TRAP1: variants seen among roughly 807,000 people sequenced by gnomAD.
TRAP1 encodes TNF receptor associated protein 1.
TRAP1 carries 102 observed loss-of-function variants against 89.1 expected under a neutral mutation model. The ratio of observed to expected loss-of-function variants is 1.15; its 90% CI spans 0.98 to 1.35. The LOEUF is 1.35. Among genes scored for constraint, TRAP1 ranks in the 40% most tolerant of loss-of-function variants. The pLI is 0.00. For missense variants in TRAP1, 1,256 were observed against 945.3 expected, an observed-to-expected ratio of 1.33 and a Z score of -4.31; for synonymous variants, 508 against 388.0, an observed-to-expected ratio of 1.31 and a Z score of -3.64.
chr16:3,708,225 C>T (rs57888615), intron 1 of TRAP1, among the ~76,000 whole-genome samples: 7,080 of 151,934 alleles, frequency 0.047, 392 homozygotes, highest in African/African-American at 0.13. Flanking sequence ...CCGTGGCTCA[C>T]GCCTGTAATC....
At chr16:3,670,901 G>C (rs142809521) in intron 11 of TRAP1, among the ~76,000 whole-genome samples, 1,723 of 152,182 alleles carry the variant, frequency 0.011, 12 homozygotes, top group Non-Finnish European at 0.018. Flanking sequence ...GCACAGGACA[G>C]AATCTCTGAG....
intron 1 of TRAP1, among the ~76,000 whole-genome samples, chr16:3,701,170 T>C (rs1596745511): frequency 6.6e-6 from 1 of 152,058 alleles, no homozygotes; most frequent in African/African-American, 2.4e-5. Flanking sequence ...TCAAGTAAAA[T>C]ACATTTCAAA....
chr16:3,670,782 G>A (rs2050902779), intron 11 of TRAP1, among the ~76,000 whole-genome samples: 1 of 152,138 alleles, frequency 6.6e-6, no homozygotes, highest in Non-Finnish European at 1.5e-5. Context: ...CTGAAGGTGA[G>A]GCAGGAGGAT....
In TRAP1 at chr16:3,697,117, G is replaced by C. The variant is rs1461195667; in HGVS notation, c.89-6132C>G. On this transcript the variant is annotated intron_variant, in intron 1 of 17. Transcript: ENST00000246957. ...TACGTTCCCACAGCAATGTACTAAA[G>C]TGCATATCATCCTACATTCCTGCCA... Among the ~76,000 whole-genome samples, 13 of 152,176 alleles carry C rather than the reference G, an allele frequency of 8.5e-5. 1 individual carries two copies. The highest frequency in any genetic ancestry group is 1.6e-4 in the Non-Finnish European group (11 of 68,036).
chr16:3,686,166 A>G (rs780875986), intron 3 of TRAP1, 30 bp from the exon 4 acceptor site: 2 of 1,610,476 alleles, frequency 1.2e-6, no homozygotes, highest in South Asian at 1.1e-5. Context: ...AGGCACAGAC[A>G]ATGAAGGACA....
Position 3,696,930 on chromosome 16 carries a change from T to A in TRAP1, c.89-5945A>T, listed in dbSNP as rs1341642772. Among the ~76,000 whole-genome samples the A allele has an allele frequency of 2.0e-5, 3 of 152,214 alleles. No individual in the cohort carries two copies. In the East Asian group the frequency reaches 5.8e-4, roughly 29 times the overall value. On this transcript the variant is annotated intron_variant, in intron 1 of 17. Coordinates refer to ENST00000246957, the MANE Select transcript of TRAP1 (RefSeq NM_016292.3). ...TCTGTAGAGACAGGGATTCACCATG[T>A]TGCCCAGGCTGGTCTCAAACTCCTG...
chr16:3,698,515 G>C (rs2151275667), intron 1 of TRAP1, among the ~76,000 whole-genome samples: 1 of 151,954 alleles, frequency 6.6e-6, no homozygotes, highest in Non-Finnish European at 1.5e-5. Context: ...TGTTAGCCAG[G>C]ATGGTCTTGA....
chr16:3,707,337 C>G (rs1056293557), intron 1 of TRAP1, among the ~76,000 whole-genome samples: 3 of 149,744 alleles, frequency 2.0e-5, no homozygotes, highest in Non-Finnish European at 1.5e-5. Context: ...AGGCGCCCAC[C>G]ACCACACCCG....
rs2051203537 is a variant in TRAP1, at chr16:3,690,828, C to G, written c.246G>C (p.Gln82His). 7 of 1,474,924 alleles carry G rather than the reference C, an allele frequency of 4.7e-6. No individual in the cohort carries two copies. The highest frequency in any genetic ancestry group is 2.6e-5 in the East Asian group (1 of 38,326). 91.4% of individuals were successfully genotyped at this position (1,474,924 alleles called of 1,614,324 possible). A position where few individuals can be genotyped will look rare whatever the true frequency, so the allele number is the denominator to read the frequency against. The change falls in exon 2 of 18, where the codon CAG (glutamine) becomes CAC (histidine). Residue 82 changes from glutamine to histidine, a missense_variant and splice_region_variant. Transcript: ENST00000246957. ...GACCAAAGCACGAGCCAAGGCTACC[C>G]TGCACGCTCTCTGTGCTGCTGATAA... ...HSIISSTESV[Q>H]GSTSKHEFQA... is the part of the protein sequence containing the mutation.
At chr16:3,685,553 G>A (rs1461371618) in intron 4 of TRAP1, among the ~76,000 whole-genome samples, 1 of 152,040 alleles carries the variant, frequency 6.6e-6, no homozygotes, top group Non-Finnish European at 1.5e-5. Context: ...ATGTCTCTCA[G>A]GGCCCCTACC....
At chr16:3,703,052 A>G (rs1271753087) in intron 1 of TRAP1, among the ~76,000 whole-genome samples, 2 of 148,018 alleles carry the variant, frequency 1.4e-5, no homozygotes, top group Admixed American at 6.8e-5. Context: ...TGAAAAAAAA[A>G]AAAAAAAAAA....
intron 14 of TRAP1, 171 bp from the exon 15 acceptor site, chr16:3,663,138 G>T (rs1378693991): frequency 1.7e-5 from 11 of 665,316 alleles, no homozygotes; most frequent in Non-Finnish European, 2.5e-5. Flanking sequence ...GCTTCAGGTT[G>T]CCTGAGGCCC....
At chr16:3,669,337 T>A (rs561410530) in intron 11 of TRAP1, among the ~76,000 whole-genome samples, 1 of 152,190 alleles carries the variant, frequency 6.6e-6, no homozygotes, top group Non-Finnish European at 1.5e-5. Context: ...ACTGCTGCCC[T>A]GTGGTCATGT....
At chr16:3,670,411 A>AAAAAAAAAAAC (rs2050897453) in intron 11 of TRAP1, among the ~76,000 whole-genome samples, 1 of 144,326 alleles carries the variant, frequency 6.9e-6, no homozygotes, top group African/African-American at 2.6e-5. Flanking sequence ...AAAAAAAAAA[A>AAAAAAAAAAAC]TCTAAGTGGC....
intron 1 of TRAP1, among the ~76,000 whole-genome samples, chr16:3,702,278 C>T (rs2051376629): frequency 6.6e-6 from 1 of 151,722 alleles, no homozygotes; most frequent in African/African-American, 2.4e-5. Flanking sequence ...TAAGTGGACC[C>T]AGCAAACACA....
At chr16:3,670,040 T>C (rs2050890640) in intron 11 of TRAP1, among the ~76,000 whole-genome samples, 1 of 151,136 alleles carries the variant, frequency 6.6e-6, no homozygotes. Context: ...GCAAATAAAC[T>C]AGGTAGAAAA....
chr16:3,685,905 C>A lies in TRAP1; in HGVS notation c.471+91G>T, dbSNP rs1012712010. 2.8e-5 allele frequency: 40 copies of A among 1,448,252 alleles called. 1 individual carries two copies. The African/African-American group carries it at 3.4e-4, about 12-fold the overall frequency. The allele number at this position is 1,448,252 out of a possible 1,614,324, so 89.7% of individuals were successfully genotyped here. A position where few individuals can be genotyped will look rare whatever the true frequency, so the allele number is the denominator to read the frequency against. On this transcript the variant is annotated intron_variant, in intron 4 of 17. Coordinates refer to ENST00000246957, the MANE Select transcript of TRAP1 (RefSeq NM_016292.3). ...ATCCTGGTGGTACGGACGGCCAGTA[C>A]GTCCCTGGGACCCGAGACATCACTA...
At chr16:3,709,929 C>G (rs879866331) in intron 1 of TRAP1, among the ~76,000 whole-genome samples, 9 of 152,290 alleles carry the variant, frequency 5.9e-5, no homozygotes, top group Non-Finnish European at 8.8e-5. Flanking sequence ...GGATTACAGG[C>G]GTGAGCCACC....
chr16:3,705,304 C>T (rs776513410), intron 1 of TRAP1, among the ~76,000 whole-genome samples: 56 of 152,140 alleles, frequency 3.7e-4, no homozygotes, highest in Non-Finnish European at 4.4e-4. Flanking sequence ...CTCCTGACCT[C>T]GTGATCCGCC....
Sources: gnomAD v4.1 joint callset for allele counts (sites outside exome capture counted in the v4.1 genomes callset) on GRCh38, gnomAD v4.1.1 for gene constraint, MANE v1.5 for transcripts, NCBI Gene and HGNC (gene_info 2026-07-23, HGNC 2026-07-21) for gene names.